PPARA: variants seen among roughly 807,000 people sequenced by gnomAD.
The protein encoded by PPARA is peroxisome proliferator-activated receptor alpha.
PPARA carries 22 observed loss-of-function variants against 42.2 expected under a neutral mutation model. The observed-to-expected ratio is 0.52, with a 90% CI of 0.37 to 0.74. The LOEUF (loss-of-function observed/expected upper bound fraction) is 0.74, where lower values mean the gene tolerates loss of function less well. Among genes scored for constraint, PPARA ranks in the 30% least tolerant of loss-of-function variants. PPARA has a pLI of 0.00. For synonymous variants in PPARA, 242 were observed against 239.3 expected (o/e 1.01, Z -0.10); for missense variants, 465 against 608.2 (o/e 0.76, Z 2.48).
rs1926839766 is a variant in PPARA at position 46,165,099 on chromosome 22, G to GATC, written c.-126-11653_-126-11651dup. The GATC allele has an allele frequency of 6.6e-6, 1 of 152,200 alleles. No homozygotes were observed. The highest frequency in any genetic ancestry group is 6.5e-5 in the Admixed American group (1 of 15,274). 9.4% of individuals were successfully genotyped at this position (152,200 alleles called of 1,614,324 possible). Reference sequence around the variant, plus strand: ...TGCCCAGGCTAGAGTGCAATGCCATGATCTCGGCTCACTGCAACCTCTGCC... The same window carrying GATC: ...TGCCCAGGCTAGAGTGCAATGCCATGATCATCTCGGCTCACTGCAACCTCTGCC... On this transcript the variant is annotated intron_variant, in intron 2 of 8. Coordinates refer to ENST00000407236, the MANE Select transcript of PPARA (RefSeq NM_005036.6). This position sits in a 1 kb window ranked among gnomAD's most constrained non-coding sequence, Gnocchi z 5.5.
In PPARA at chr22:46,221,524, G is replaced by T. The variant is rs115986429; in HGVS notation, c.711+1510G>T. ...TTAGAAAGGGCCACTTGTAAGCCAGGCGTGGTGGCTCACGCCTGTCATCCC... is the reference window on the plus strand; with the variant it reads ...TTAGAAAGGGCCACTTGTAAGCCAGTCGTGGTGGCTCACGCCTGTCATCCC... On this transcript the variant is annotated intron_variant, in intron 7 of 8. Transcript: ENST00000407236. This position sits in a 1 kb window ranked among gnomAD's most constrained non-coding sequence, Gnocchi z 5.9. 0.012 allele frequency among the ~76,000 whole-genome samples: 1,879 copies of T among 152,328 alleles called. 40 individuals carry two copies. The highest frequency in any genetic ancestry group is 0.043 in the African/African-American group (1,779 of 41,570).
chr22:46,161,264 A>G lies in PPARA; in HGVS notation c.-127+9294A>G, dbSNP rs1272878647. Reference sequence around the variant, plus strand: ...AATCATTTTCTAGAAGGAATTTCAGAAGGATGTGTGCCCAATTATGGTATC... The same window carrying G: ...AATCATTTTCTAGAAGGAATTTCAGGAGGATGTGTGCCCAATTATGGTATC... On this transcript the variant is annotated intron_variant, in intron 2 of 8. Transcript: ENST00000407236. This position sits in a 1 kb window ranked among gnomAD's most constrained non-coding sequence, Gnocchi z 4.8. 6.6e-6 allele frequency among the ~76,000 whole-genome samples: 1 copy of G among 152,174 alleles called. No individual in the cohort carries two copies. Among genetic ancestry groups the G allele is most frequent in the Non-Finnish European group, 1.5e-5 (1 of 68,024 alleles).
chr22:46,225,363 A>G lies in PPARA; in HGVS notation c.711+5349A>G, dbSNP rs533147554. 6.6e-6 allele frequency among the ~76,000 whole-genome samples: 1 copy of G among 152,298 alleles called. No individual in the cohort carries two copies. On this transcript the variant is annotated intron_variant, in intron 7 of 8. Transcript: ENST00000407236. The surrounding 1 kb of genome is among the most constrained non-coding windows in gnomAD (Gnocchi z 4.1). ...GAGGCAATAAAAATGGGTGCTTTTCAACAGTGTCTAAAAACATAAGATGTT... is the reference window on the plus strand; with the variant it reads ...GAGGCAATAAAAATGGGTGCTTTTCGACAGTGTCTAAAAACATAAGATGTT...
chr22:46,205,815 T>G (rs1296172066), intron 4 of PPARA, among the ~76,000 whole-genome samples: 1 of 151,882 alleles, frequency 6.6e-6, no homozygotes, highest in Non-Finnish European at 1.5e-5. Flanking sequence ...GTTGATGAAC[T>G]GAACCTTTTA....
At position 46,221,775 on chromosome 22, in the gene PPARA, G is replaced by C. The variant is rs1038877901; in HGVS notation, c.711+1761G>C. On this transcript the variant is annotated intron_variant, in intron 7 of 8. Coordinates refer to ENST00000407236, the MANE Select transcript of PPARA (RefSeq NM_005036.6). This position sits in a 1 kb window ranked among gnomAD's most constrained non-coding sequence, Gnocchi z 5.9. ...GATCGTGCCACTGCACTTCCAGCCT[G>C]GGCGACAAAGCCAGCTGTGTCTGGG... 6.6e-6 allele frequency among the ~76,000 whole-genome samples: 1 copy of C among 151,902 alleles called. No homozygotes were observed. Among genetic ancestry groups the C allele is most frequent in the Non-Finnish European group, 1.5e-5 (1 of 67,990 alleles).
At chr22:46,175,249 G>T (rs1424860007) in intron 2 of PPARA, among the ~76,000 whole-genome samples, 1 of 152,080 alleles carries the variant, frequency 6.6e-6, no homozygotes, top group East Asian at 1.9e-4. Context: ...AAAGTGAGAG[G>T]ACGATATCAC....
At chr22:46,168,901 A>G (rs1927541168) in intron 2 of PPARA, among the ~76,000 whole-genome samples, 1 of 152,006 alleles carries the variant, frequency 6.6e-6, no homozygotes, top group South Asian at 2.1e-4. Flanking sequence ...TATCGAAAAT[A>G]TTGTATACCT....
chr22:46,157,193 T>G (rs1157285935), intron 2 of PPARA, among the ~76,000 whole-genome samples: 1 of 152,226 alleles, frequency 6.6e-6, no homozygotes, highest in Non-Finnish European at 1.5e-5. Context: ...CCGTGTAAAC[T>G]GAGTAGGTAC....
Position 46,157,223 on chromosome 22 carries a change from A to G in PPARA, c.-127+5253A>G, listed in dbSNP as rs1316409997. Among the ~76,000 whole-genome samples the G allele has an allele frequency of 3.9e-5, 6 of 152,330 alleles. No homozygotes were observed. The East Asian group carries it at 7.7e-4, about 20-fold the overall frequency. ...AGGTACTTGTAAATGTTCATTGAAT[A>G]AGTACCTGATTAATAGAATTTAATT... is the stretch of plus-strand genomic sequence containing the variant. On this transcript the variant is annotated intron_variant, in intron 2 of 8. Coordinates refer to ENST00000407236, the MANE Select transcript of PPARA (RefSeq NM_005036.6).
Position 46,195,801 on chromosome 22 carries a change from C to A in PPARA, c.-42-2541C>A, listed in dbSNP as rs1178517829. ...TGACAGTGGCTGGTAGCAGCACATA[C>A]CCCCGAGCCTCTCCGTGGTGTGCGC... On this transcript the variant is annotated intron_variant, in intron 3 of 8. Transcript: ENST00000407236. This position sits in a 1 kb window ranked among gnomAD's most constrained non-coding sequence, Gnocchi z 4.6. Among the ~76,000 whole-genome samples the A allele has an allele frequency of 1.3e-5, 2 of 152,148 alleles. No individual in the cohort carries two copies. The highest frequency in any genetic ancestry group is 2.9e-5 in the Non-Finnish European group (2 of 68,034).
intron 2 of PPARA, among the ~76,000 whole-genome samples, chr22:46,176,474 A>G (rs1317251295): frequency 6.6e-6 from 1 of 152,174 alleles, no homozygotes; most frequent in African/African-American, 2.4e-5. Flanking sequence ...CCACAGAGTG[A>G]GACTCCGTAT....
chr22:46,197,286 G>GT (rs1932377335), intron 3 of PPARA, among the ~76,000 whole-genome samples: 1 of 150,990 alleles, frequency 6.6e-6, no homozygotes, highest in African/African-American at 2.4e-5. Context: ...CTGACCTCAA[G>GT]TGATCCGCCC....
rs1354031657 is a variant in PPARA, at chr22:46,240,019, C to T, written c.*4639C>T. ...GATTCATTGCTTCAACACAGCAAGC[C>T]CAATGCACCCAGCTAAGACTGGCTT... On this transcript the variant is annotated 3_prime_UTR_variant, in exon 9 of 9. Transcript: ENST00000407236. The surrounding 1 kb of genome is among the most constrained non-coding windows in gnomAD (Gnocchi z 6.0). The T allele has an allele frequency of 1.0e-5, 4 of 397,102 alleles. No individual in the cohort carries two copies. In the Admixed American group the frequency reaches 1.8e-4, roughly 18 times the overall value. 24.6% of individuals were successfully genotyped at this position (397,102 alleles called of 1,614,324 possible).
rs148639172 is a variant in PPARA at position 46,162,279 on chromosome 22, T to C, written c.-127+10309T>C. 4.1e-3 allele frequency among the ~76,000 whole-genome samples: 621 copies of C among 152,232 alleles called. 6 individuals are homozygous for C. Among genetic ancestry groups the C allele is most frequent in the African/African-American group, 0.014 (586 of 41,530 alleles). ...CATTGCCTCTCCCATCTTAATGTTG[T>C]CCCATCCATCCAATGTTTATGGGAT... On this transcript the variant is annotated intron_variant, in intron 2 of 8. Coordinates refer to ENST00000407236, the MANE Select transcript of PPARA (RefSeq NM_005036.6). The surrounding 1 kb of genome is among the most constrained non-coding windows in gnomAD (Gnocchi z 6.0).
At chr22:46,181,644 G>T (rs1026464745) in intron 3 of PPARA, among the ~76,000 whole-genome samples, 1 of 152,118 alleles carries the variant, frequency 6.6e-6, no homozygotes, top group African/African-American at 2.4e-5. Flanking sequence ...TTTAATGTCG[G>T]GTGGCCAGCC....
intron 4 of PPARA, among the ~76,000 whole-genome samples, chr22:46,207,677 A>ATTTTTTTTTTTTTTTT (rs764662561): frequency 3.9e-5 from 2 of 50,724 alleles, no homozygotes; most frequent in African/African-American, 8.4e-5. Context: ...TATTATTATT[A>ATTTTTTTTTTTTTTTT]TTTTTTTTTT....
chr22:46,229,272 G>A (rs1263172844), intron 7 of PPARA, among the ~76,000 whole-genome samples: 9 of 152,128 alleles, frequency 5.9e-5, no homozygotes, highest in South Asian at 4.2e-4. Context: ...CCTAGAGGCC[G>A]GGCACAGTGG....
intron 5 of PPARA, 144 bp downstream of exon 5, chr22:46,215,477 C>G: frequency 9.5e-7 from 1 of 1,052,434 alleles, no homozygotes; most frequent in South Asian, 1.4e-5. Flanking sequence ...GTATCTCATG[C>G]CTATAATTCC....
Position 46,232,677 on chromosome 22 carries a change from A to G in PPARA, c.1159+438A>G, listed in dbSNP as rs34977841. Among the ~76,000 whole-genome samples the G allele has an allele frequency of 6.6e-6, 1 of 151,614 alleles. No homozygotes were observed. Among genetic ancestry groups the G allele is most frequent in the Non-Finnish European group, 1.5e-5 (1 of 67,944 alleles). ...TTTAAAAAAAAATTATATATTTTGCACAAATATATATATAGAGAAAAAGAG... is the reference window on the plus strand; with the variant it reads ...TTTAAAAAAAAATTATATATTTTGCGCAAATATATATATAGAGAAAAAGAG... On this transcript the variant is annotated intron_variant, in intron 8 of 8. Transcript: ENST00000407236. This position sits in a 1 kb window ranked among gnomAD's most constrained non-coding sequence, Gnocchi z 5.3.
Sources: gnomAD v4.1 joint callset for allele counts (sites outside exome capture counted in the v4.1 genomes callset) on GRCh38, gnomAD v4.1.1 for gene constraint, Gnocchi (gnomAD v3.1) non-coding constraint, MANE v1.5 for transcripts, NCBI Gene and HGNC (gene_info 2026-07-23, HGNC 2026-07-21) for gene names.